Variants in GSK3B observed in about 807,000 individuals in gnomAD.
GSK3B encodes glycogen synthase kinase-3 beta.
A neutral mutation model predicts 56.4 loss-of-function variants in GSK3B; 15 were observed. The ratio of observed to expected loss-of-function variants is 0.27; its 90% CI spans 0.18 to 0.41. The LOEUF (loss-of-function observed/expected upper bound fraction) is 0.41. GSK3B is among the 10% of genes least tolerant of loss of function. GSK3B has a pLI of 1.00. For synonymous variants in GSK3B, 181 were observed against 188.9 expected (o/e 0.96, Z 0.34); for missense variants, 300 against 513.4 (o/e 0.58, Z 4.02).
At chr3:119,866,657 C>T in intron 8 of GSK3B, 1 of 1,517,280 alleles carries the variant, frequency 6.6e-7, no homozygotes, top group South Asian at 1.2e-5. Context: ...TGAAATAATC[C>T]AAACAGGGGA....
At chr3:120,001,478 G>T (rs1008676712) in intron 2 of GSK3B, among the ~76,000 whole-genome samples, 1 of 152,164 alleles carries the variant, frequency 6.6e-6, no homozygotes, top group Admixed American at 6.5e-5. Context: ...TTCTGCCCAT[G>T]ATTAGAAGTT....
chr3:120,035,243 T>C (rs1486686236), intron 1 of GSK3B, among the ~76,000 whole-genome samples: 1 of 152,174 alleles, frequency 6.6e-6, no homozygotes, highest in Admixed American at 6.5e-5. Flanking sequence ...TAAGTGACTT[T>C]AGTGATCTAC....
chr3:120,005,105 A>G (rs1377873405), intron 1 of GSK3B, among the ~76,000 whole-genome samples: 1 of 152,156 alleles, frequency 6.6e-6, no homozygotes, highest in Non-Finnish European at 1.5e-5. Context: ...GCTGAAAACC[A>G]GAGTATGAGA....
At chr3:119,993,870 G>A (rs1330071612) in intron 2 of GSK3B, among the ~76,000 whole-genome samples, 3 of 152,064 alleles carry the variant, frequency 2.0e-5, no homozygotes, top group South Asian at 2.1e-4. Flanking sequence ...AAGGGCTTTC[G>A]CTGACCAAAT....
At chr3:119,994,324 T>C (rs1403237121) in intron 2 of GSK3B, among the ~76,000 whole-genome samples, 1 of 152,158 alleles carries the variant, frequency 6.6e-6, no homozygotes, top group Non-Finnish European at 1.5e-5. Context: ...TCATAATCCT[T>C]AGAGTAGAAT....
chr3:119,947,220 A>G lies in GSK3B; in HGVS notation c.366+48T>C, dbSNP rs756566653. The G allele has an allele frequency of 4.6e-6, 5 of 1,094,616 alleles. No homozygotes were observed. The Middle Eastern group carries it at 6.0e-4, about 132-fold the overall frequency. 67.8% of individuals were successfully genotyped at this position (1,094,616 alleles called of 1,614,324 possible). ...GGTGGGGAGATTAATTTCTAGAAAAATAACAAATTTATCACAATATTCAGT... is the reference window on the plus strand; with the variant it reads ...GGTGGGGAGATTAATTTCTAGAAAAGTAACAAATTTATCACAATATTCAGT... On this transcript the variant is annotated intron_variant, in intron 3 of 10. Transcript: ENST00000264235.
At chr3:119,988,724 T>G (rs891130324) in intron 2 of GSK3B, among the ~76,000 whole-genome samples, 2 of 152,068 alleles carry the variant, frequency 1.3e-5, no homozygotes, top group Admixed American at 1.3e-4. Flanking sequence ...ATAGTACAAA[T>G]CCAGGGCTGG....
chr3:120,041,920 T>C (rs557760551), intron 1 of GSK3B, among the ~76,000 whole-genome samples: 1 of 152,330 alleles, frequency 6.6e-6, no homozygotes, highest in South Asian at 2.1e-4. Context: ...TTAAAGTACT[T>C]GCAGAACCAG....
intron 7 of GSK3B, among the ~76,000 whole-genome samples, chr3:119,894,133 A>G (rs1212677615): frequency 2.0e-5 from 3 of 152,136 alleles, no homozygotes; most frequent in African/African-American, 7.2e-5. Flanking sequence ...GAATTATATA[A>G]TATGTGGCCT....
chr3:119,977,655 T>G (rs1473216761), intron 2 of GSK3B, among the ~76,000 whole-genome samples: 2 of 152,212 alleles, frequency 1.3e-5, no homozygotes, highest in Admixed American at 1.3e-4. Context: ...TCTTTCAAGT[T>G]TCTATCGGTT....
intron 1 of GSK3B, among the ~76,000 whole-genome samples, chr3:120,075,954 C>T (rs187911817): frequency 1.0e-3 from 152 of 152,164 alleles, no homozygotes; most frequent in South Asian, 9.3e-3. Flanking sequence ...GGGGGCTTCA[C>T]GCTTCCTGAG....
chr3:119,957,601 T>C (rs2057228019), intron 2 of GSK3B, among the ~76,000 whole-genome samples: 1 of 152,236 alleles, frequency 6.6e-6, no homozygotes, highest in Admixed American at 6.5e-5. Context: ...ATAGCAATGA[T>C]GGCACCAACA....
chr3:119,856,413 G>T (rs2056023987), intron 9 of GSK3B, among the ~76,000 whole-genome samples: 2 of 152,174 alleles, frequency 1.3e-5, no homozygotes, highest in South Asian at 4.1e-4. Context: ...TTGATTGTTT[G>T]TTCCTACACC....
chr3:119,977,415 G>C (rs2057418471), intron 2 of GSK3B, among the ~76,000 whole-genome samples: 1 of 152,110 alleles, frequency 6.6e-6, no homozygotes, highest in Admixed American at 6.5e-5. Flanking sequence ...ATACTTAATG[G>C]AGACCTTTTC....
chr3:120,089,988 T>C (rs2058497229), intron 1 of GSK3B, among the ~76,000 whole-genome samples: 1 of 152,150 alleles, frequency 6.6e-6, no homozygotes, highest in Non-Finnish European at 1.5e-5. Context: ...TAATTTCTTC[T>C]GGAGTCTTCA....
chr3:119,911,959 T>A (rs1309996664), intron 6 of GSK3B, among the ~76,000 whole-genome samples: 4 of 152,228 alleles, frequency 2.6e-5, no homozygotes, highest in Non-Finnish European at 4.4e-5. Context: ...TTATCATTCA[T>A]CTGTTCATTG....
intron 1 of GSK3B, among the ~76,000 whole-genome samples, chr3:120,058,676 A>G (rs1218265772): frequency 6.6e-6 from 1 of 152,158 alleles, no homozygotes; most frequent in Non-Finnish European, 1.5e-5. Context: ...AATACAGGTA[A>G]TAATGCTTCT....
intron 2 of GSK3B, among the ~76,000 whole-genome samples, chr3:119,993,205 AG>A (rs1162357227): frequency 6.6e-6 from 1 of 152,086 alleles, no homozygotes; most frequent in Non-Finnish European, 1.5e-5. Flanking sequence ...ACTGAGGAAA[AG>A]TAAGCCAGAA....
At chr3:120,028,960 A>G (rs1007282532) in intron 1 of GSK3B, 3 of 572,422 alleles carry the variant, frequency 5.2e-6, no homozygotes, top group East Asian at 3.4e-5. Context: ...AGCATACAAG[A>G]GAAGTGCTTT....
Sources: allele counts gnomAD v4.1 joint callset (sites outside exome capture counted in the v4.1 genomes callset), GRCh38; gene constraint gnomAD v4.1.1; transcripts MANE v1.5; gene names NCBI Gene and HGNC (gene_info 2026-07-23, HGNC 2026-07-21).